The following KRTAP10-11 variants were observed in gnomAD, a reference collection of about 807,000 sequenced individuals.
The protein encoded by KRTAP10-11 is keratin associated protein 10-11, also known as keratin-associated protein 10-11.
For missense variants in KRTAP10-11, 401 were observed against 378.8 expected (o/e 1.06, Z -0.49); for synonymous variants, 188 against 161.1 (o/e 1.17, Z -1.27).
rs370932773 is a variant in KRTAP10-11, at chr21:44,646,853, G to T, written c.395G>T (p.Cys132Phe). Residue 132 changes from cysteine (C) to phenylalanine (F), a missense_variant, in exon 1 of 1, where the codon TGC (cysteine) becomes TTC (phenylalanine). Cys to Phe is a radical substitution (Grantham distance 205). Coordinates refer to ENST00000334670, the MANE Select transcript of KRTAP10-11 (RefSeq NM_198692.3). Reference sequence around the variant, plus strand: ...TCTTCGTGCTGCCGGCAGTCTAGCTGCCAGCCAGCTTGCTGTGCCTCTTCC... The same window carrying T: ...TCTTCGTGCTGCCGGCAGTCTAGCTTCCAGCCAGCTTGCTGTGCCTCTTCC... Reference protein sequence around the residue: ...AASSCCRQSSCQPACCASSSC... With the variant: ...AASSCCRQSSFQPACCASSSC... 258 of 1,577,378 alleles carry T rather than the reference G, an allele frequency of 1.6e-4. 1 individual carries two copies. The highest frequency in any genetic ancestry group is 2.1e-4 in the Non-Finnish European group (249 of 1,160,654).
In KRTAP10-11 at chr21:44,647,190, G is replaced by C. The variant is rs1451995358; in HGVS notation, c.732G>C (p.Val244=). The change falls in exon 1 of 1, where the codon GTG becomes GTC. Residue 244 remains valine, a synonymous_variant. Coordinates refer to ENST00000334670, the MANE Select transcript of KRTAP10-11 (RefSeq NM_198692.3). ...CTGTGTCCCTCCTCTGCCACCCCGTGTGCAGGTCCACCTGCTGTGTGCCCG... is the reference window on the plus strand; with the variant it reads ...CTGTGTCCCTCCTCTGCCACCCCGTCTGCAGGTCCACCTGCTGTGTGCCCG... ...SSSVSLLCHP[V]CRSTCCVPVS... is the part of the protein sequence containing the mutation. 1.2e-6 allele frequency: 2 copies of C among 1,612,694 alleles called. No individual in the cohort carries two copies. Among genetic ancestry groups the C allele is most frequent in the African/African-American group, 1.3e-5 (1 of 74,430 alleles).
At position 44,647,591 on chromosome 21, in the gene KRTAP10-11, G is replaced by T. The variant is rs139620556; in HGVS notation, c.*236G>T. 3.7e-4 allele frequency: 221 copies of T among 594,808 alleles called. 3 individuals are homozygous for T. The East Asian group carries it at 6.3e-3, about 17-fold the overall frequency. 36.8% of individuals were successfully genotyped at this position (594,808 alleles called of 1,614,324 possible). ...TGGAGCCCCCTTCTCCAAATGTGTT[G>T]CTTATACCCAATGTGACAAAGAAGA... On this transcript the variant is annotated 3_prime_UTR_variant, in exon 1 of 1. Transcript: ENST00000334670.
Sources: allele counts gnomAD v4.1 joint callset, GRCh38; gene constraint gnomAD v4.1.1; transcripts MANE v1.5; gene names NCBI Gene and HGNC (gene_info 2026-07-23, HGNC 2026-07-21).